RALA: variants seen among roughly 807,000 people sequenced by gnomAD.
RALA encodes ras-related protein Ral-A.
Under a neutral mutation model 24.0 loss-of-function variants are expected in RALA, and 5 were observed. The observed-to-expected ratio is 0.21, with a 90% confidence interval of 0.11 to 0.44. The LOEUF is 0.44. RALA is among the 20% of genes least tolerant of loss of function. The probability of loss-of-function intolerance (pLI) is 0.99; values close to 1 mark genes in which losing one functional copy is unlikely to be tolerated. For missense variants in RALA, 95 were observed against 241.2 expected, an observed-to-expected ratio of 0.39 and a Z score of 4.01; for synonymous variants, 77 against 83.8, an observed-to-expected ratio of 0.92 and a Z score of 0.44.
intron 1 of RALA, among the ~76,000 whole-genome samples, chr7:39,680,935 A>G (rs1792585065): frequency 6.6e-6 from 1 of 152,196 alleles, no homozygotes; most frequent in Non-Finnish European, 1.5e-5. Context: ...CATTGAAGAA[A>G]TTTAGATACA....
At chr7:39,657,558 CCTT>C (rs1218501441) in intron 1 of RALA, among the ~76,000 whole-genome samples, 1 of 152,090 alleles carries the variant, frequency 6.6e-6, no homozygotes, top group Non-Finnish European at 1.5e-5. Context: ...GGGGTCTGGA[CCTT>C]CTAAACATTA....
Position 39,670,923 on chromosome 7 carries a change from C to T in RALA, c.-37-15708C>T, listed in dbSNP as rs1323311077. On this transcript the variant is annotated intron_variant, in intron 1 of 4. Coordinates refer to ENST00000005257, the MANE Select transcript of RALA (RefSeq NM_005402.4). ...CATTTCCTTACAGTAACTCTTCTCT[C>T]CCCTCCTACTCCCAACTGGTCCCAC... is the stretch of plus-strand genomic sequence containing the variant. 3.9e-5 allele frequency among the ~76,000 whole-genome samples: 6 copies of T among 152,158 alleles called. No individual in the cohort carries two copies. The East Asian group carries it at 9.6e-4, about 24-fold the overall frequency.
chr7:39,634,518 T>C (rs1408409771), intron 1 of RALA, among the ~76,000 whole-genome samples: 1 of 152,182 alleles, frequency 6.6e-6, no homozygotes, highest in Admixed American at 6.5e-5. Context: ...GGGAAATCTG[T>C]CTTCCATCAT....
intron 2 of RALA, among the ~76,000 whole-genome samples, chr7:39,689,322 G>A (rs1220511154): frequency 1.3e-5 from 2 of 152,118 alleles, no homozygotes; most frequent in African/African-American, 4.8e-5. Context: ...GAATGACTAA[G>A]CACATTAATA....
chr7:39,627,622 A>T lies in RALA; in HGVS notation c.-38+3797A>T, dbSNP rs1391812023. On this transcript the variant is annotated intron_variant, in intron 1 of 4. Coordinates refer to ENST00000005257, the MANE Select transcript of RALA (RefSeq NM_005402.4). ...AAAGATCCCCCAGTTTCCAAAAGTT[A>T]TGATTATGGTCATCTAAGCCACAGG... is the stretch of plus-strand genomic sequence containing the variant. Among the ~76,000 whole-genome samples the T allele has an allele frequency of 2.0e-5, 3 of 152,326 alleles. No individual in the cohort carries two copies. The East Asian group carries it at 5.8e-4, about 29-fold the overall frequency.
At chr7:39,705,971 G>A (rs1218868818) in intron 4 of RALA, 152 bp from the exon 5 acceptor site, 7 of 577,236 alleles carry the variant, frequency 1.2e-5, no homozygotes, top group Non-Finnish European at 2.0e-5. Flanking sequence ...GGAAAATCAG[G>A]CTTTAGTTTT....
chr7:39,702,565 T>C (rs1793047520), intron 4 of RALA, among the ~76,000 whole-genome samples: 3 of 152,236 alleles, frequency 2.0e-5, no homozygotes, highest in African/African-American at 7.2e-5. Context: ...TAATGACATT[T>C]ATTTGTTACA....
At chr7:39,633,855 G>A (rs1791641434) in intron 1 of RALA, among the ~76,000 whole-genome samples, 2 of 152,230 alleles carry the variant, frequency 1.3e-5, no homozygotes, top group South Asian at 4.1e-4. Context: ...CCACATGGCA[G>A]TGATGGTCAT....
intron 1 of RALA, among the ~76,000 whole-genome samples, chr7:39,645,951 A>G (rs1791917278): frequency 6.6e-6 from 1 of 152,180 alleles, no homozygotes; most frequent in South Asian, 2.1e-4. Flanking sequence ...ATTTCAGGTC[A>G]GTGGGGAGTC....
chr7:39,636,394 T>C (rs372414163), intron 1 of RALA, among the ~76,000 whole-genome samples: 5 of 152,358 alleles, frequency 3.3e-5, no homozygotes, highest in African/African-American at 1.2e-4. Flanking sequence ...TTTTTTATTA[T>C]AGCCATTCTA....
intron 1 of RALA, among the ~76,000 whole-genome samples, chr7:39,633,465 G>A (rs1399464215): frequency 2.0e-5 from 3 of 152,160 alleles, no homozygotes; most frequent in Admixed American, 6.5e-5. Context: ...AGGAAAAACT[G>A]CCTTATAAAA....
At chr7:39,671,851 T>C (rs1353507818) in intron 1 of RALA, among the ~76,000 whole-genome samples, 1 of 152,210 alleles carries the variant, frequency 6.6e-6, no homozygotes, top group Non-Finnish European at 1.5e-5. Context: ...GTTTCAAAAG[T>C]AGAAAAATGC....
chr7:39,699,234 G>A (rs1057326550), intron 4 of RALA, among the ~76,000 whole-genome samples: 29 of 134,672 alleles, frequency 2.2e-4, no homozygotes, highest in African/African-American at 7.4e-4. Context: ...TCTGCTTCCC[G>A]GGTTCACGCC....
chr7:39,676,656 G>T (rs530736682), intron 1 of RALA, among the ~76,000 whole-genome samples: 2 of 152,278 alleles, frequency 1.3e-5, no homozygotes, highest in Non-Finnish European at 2.9e-5. Context: ...AAAATCTAAA[G>T]AAGATAATAA....
At chr7:39,676,417 T>C (rs1792488621) in intron 1 of RALA, among the ~76,000 whole-genome samples, 1 of 152,224 alleles carries the variant, frequency 6.6e-6, no homozygotes, top group South Asian at 2.1e-4. Context: ...GTATCCTTTA[T>C]CTGAAATGCC....
At position 39,686,889 on chromosome 7, in the gene RALA, A is replaced by G. The variant is rs541911337; in HGVS notation, c.114+108A>G. ...GATTGTTTGAATCCTTGAAATTACT[A>G]ATAATTTTTTTTTCATTTTTGTGTT... On this transcript the variant is annotated intron_variant, in intron 2 of 4. Coordinates refer to ENST00000005257, the MANE Select transcript of RALA (RefSeq NM_005402.4). The G allele has an allele frequency of 5.0e-6, 4 of 801,726 alleles. No homozygotes were observed. The African/African-American group carries it at 5.2e-5, about 10-fold the overall frequency. 49.7% of individuals were successfully genotyped at this position (801,726 alleles called of 1,614,324 possible).
At chr7:39,643,424 AAG>A (rs1386901616) in intron 1 of RALA, among the ~76,000 whole-genome samples, 22 of 152,194 alleles carry the variant, frequency 1.4e-4, no homozygotes, top group Non-Finnish European at 2.2e-4. Context: ...CAGGGGAAGA[AAG>A]AGGCAGAAAA....
At chr7:39,678,817 T>C (rs1331656293) in intron 1 of RALA, among the ~76,000 whole-genome samples, 1 of 152,222 alleles carries the variant, frequency 6.6e-6, no homozygotes, top group Admixed American at 6.5e-5. Context: ...GTGGGCTTTG[T>C]TGATTTATTT....
chr7:39,642,588 A>G (rs1791837893), intron 1 of RALA, among the ~76,000 whole-genome samples: 2 of 152,190 alleles, frequency 1.3e-5, no homozygotes, highest in Non-Finnish European at 2.9e-5. Context: ...CTTTACAAAA[A>G]TCCCCTCAAA....
Sources: gnomAD v4.1 joint callset for allele counts (sites outside exome capture counted in the v4.1 genomes callset) on GRCh38, gnomAD v4.1.1 for gene constraint, MANE v1.5 for transcripts, NCBI Gene and HGNC (gene_info 2026-07-23, HGNC 2026-07-21) for gene names.